STPG2: variants seen among roughly 807,000 people sequenced by gnomAD.
STPG2 encodes sperm tail PG-rich repeat containing 2, also known as sperm-tail PG-rich repeat-containing protein 2.
A neutral mutation model predicts 54.2 loss-of-function variants in STPG2; 56 were observed. The observed-to-expected ratio is 1.03, with a 90% CI of 0.83 to 1.29. The LOEUF (loss-of-function observed/expected upper bound fraction) is 1.29, where lower values mean the gene tolerates loss of function less well. Ranked by LOEUF, STPG2 falls within the 50% of genes most tolerant of loss-of-function variation. The pLI is 0.00. For missense variants in STPG2, 596 were observed against 544.9 expected, an observed-to-expected ratio of 1.09 and a Z score of -0.93; for synonymous variants, 200 against 181.8, an observed-to-expected ratio of 1.10 and a Z score of -0.81.
chr4:97,491,302 A>C (rs1426808645), intron 4 of STPG2, among the ~76,000 whole-genome samples: 2 of 151,540 alleles, frequency 1.3e-5, no homozygotes, highest in Non-Finnish European at 3.0e-5. Context: ...AATCCAAAAG[A>C]TGTTAAATAA....
At chr4:98,087,970 C>T (rs1738574158) in intron 5 of STPG2, among the ~76,000 whole-genome samples, 1 of 152,096 alleles carries the variant, frequency 6.6e-6, no homozygotes, top group Admixed American at 6.5e-5. Flanking sequence ...TGGGAATAGA[C>T]CATAATAATA....
chr4:97,613,833 C>A (rs1733793417), intron 10 of STPG2, among the ~76,000 whole-genome samples: 2 of 151,786 alleles, frequency 1.3e-5, no homozygotes, highest in Admixed American at 6.6e-5. Context: ...TTTTCTGGCA[C>A]TATGTAAGAT....
chr4:97,757,414 C>T (rs552347035), intron 9 of STPG2, among the ~76,000 whole-genome samples: 2 of 152,260 alleles, frequency 1.3e-5, no homozygotes, highest in African/African-American at 4.8e-5. Context: ...TAGGTGAACG[C>T]TCTGTTCCAT....
At chr4:98,027,768 C>T (rs1736472018) in intron 5 of STPG2, among the ~76,000 whole-genome samples, 1 of 152,208 alleles carries the variant, frequency 6.6e-6, no homozygotes, top group Non-Finnish European at 1.5e-5. Flanking sequence ...ATGGCTCTGA[C>T]TTTGGAGTCA....
chr4:97,554,966 C>T (rs1252380265), downstream of STPG2, among the ~76,000 whole-genome samples: 1 of 152,046 alleles, frequency 6.6e-6, no homozygotes, highest in African/African-American at 2.4e-5. Flanking sequence ...GCTGCAGACA[C>T]AAAAGAAGCT....
At chr4:98,122,324 G>T (rs1167548243) in intron 3 of STPG2, among the ~76,000 whole-genome samples, 1 of 152,020 alleles carries the variant, frequency 6.6e-6, no homozygotes, top group Admixed American at 6.6e-5. Context: ...TAGTATATCG[G>T]CTGTGGGTTT....
intron 9 of STPG2, among the ~76,000 whole-genome samples, chr4:97,818,073 T>C (rs573048346): frequency 6.6e-5 from 10 of 152,086 alleles, no homozygotes; most frequent in East Asian, 1.9e-4. Context: ...ATACTGTTTG[T>C]ACCTCTTAGG....
At chr4:98,011,792 C>T (rs1300153247) in intron 5 of STPG2, among the ~76,000 whole-genome samples, 1 of 152,152 alleles carries the variant, frequency 6.6e-6, no homozygotes, top group Non-Finnish European at 1.5e-5. Flanking sequence ...CCTTTGCCCA[C>T]TTTTTGATGG....
chr4:97,861,432 G>T (rs1729533850), intron 8 of STPG2, among the ~76,000 whole-genome samples: 1 of 152,082 alleles, frequency 6.6e-6, no homozygotes, highest in African/African-American at 2.4e-5. Context: ...AGAACAGCTT[G>T]GAGGTTCCTA....
At chr4:98,127,908 T>C (rs1229942883) in intron 3 of STPG2, among the ~76,000 whole-genome samples, 1 of 152,248 alleles carries the variant, frequency 6.6e-6, no homozygotes, top group African/African-American at 2.4e-5. Flanking sequence ...AAAATGTTTT[T>C]TCTTTTCAAA....
chr4:97,451,604 G>A (rs937220517), intron 4 of STPG2, among the ~76,000 whole-genome samples: 4 of 152,142 alleles, frequency 2.6e-5, no homozygotes, highest in Non-Finnish European at 5.9e-5. Flanking sequence ...ATAGTGAAAT[G>A]TGCCAGAAAA....
intron 4 of STPG2, among the ~76,000 whole-genome samples, chr4:97,452,821 C>G (rs1025677586): frequency 6.6e-6 from 1 of 152,172 alleles, no homozygotes; most frequent in Non-Finnish European, 1.5e-5. Flanking sequence ...CCAGGGTCTT[C>G]TCTCTGCTAG....
chr4:97,822,023 A>G (rs1165585334), intron 9 of STPG2, among the ~76,000 whole-genome samples: 4 of 152,184 alleles, frequency 2.6e-5, no homozygotes, highest in Non-Finnish European at 2.9e-5. Flanking sequence ...TCATCTCCTA[A>G]TAATGCTTTT....
At chr4:98,118,497 A>G (rs549110384) in intron 3 of STPG2, among the ~76,000 whole-genome samples, 1 of 152,308 alleles carries the variant, frequency 6.6e-6, no homozygotes, top group African/African-American at 2.4e-5. Context: ...AAAGTCTAGA[A>G]TAAACCTGTA....
At chr4:97,951,202 T>C (rs796708093) in intron 7 of STPG2, among the ~76,000 whole-genome samples, 2 of 152,150 alleles carry the variant, frequency 1.3e-5, no homozygotes, top group Non-Finnish European at 2.9e-5. Context: ...AATCCCCAAT[T>C]TCCAAGTTTT....
rs369982424 is a variant in STPG2 at position 98,084,855 on chromosome 4, T to C, written c.612+21098A>G. 1.8e-4 allele frequency among the ~76,000 whole-genome samples: 28 copies of C among 152,276 alleles called. No homozygotes were observed. The East Asian group carries it at 5.2e-3, about 28-fold the overall frequency. On this transcript the variant is annotated intron_variant, in intron 5 of 10. Transcript: ENST00000295268. ...AATTCTTTATTATTCTAGATACAATTATTTTGTCAGATAGATATGTTGCAA... is the reference window on the plus strand; with the variant it reads ...AATTCTTTATTATTCTAGATACAATCATTTTGTCAGATAGATATGTTGCAA...
At chr4:97,855,824 T>C (rs1729317907) in intron 8 of STPG2, among the ~76,000 whole-genome samples, 1 of 152,206 alleles carries the variant, frequency 6.6e-6, no homozygotes, top group Non-Finnish European at 1.5e-5. Flanking sequence ...CTTTAATCCA[T>C]CTTCCATTAA....
intron 8 of STPG2, among the ~76,000 whole-genome samples, chr4:97,937,309 C>T (rs2149224857): frequency 6.6e-6 from 1 of 152,156 alleles, no homozygotes; most frequent in African/African-American, 2.4e-5. Context: ...AGCTTCTTTG[C>T]ATTGGGTTAG....
At chr4:97,606,362 G>C (rs1364164668) in intron 10 of STPG2, among the ~76,000 whole-genome samples, 2 of 151,844 alleles carry the variant, frequency 1.3e-5, no homozygotes, top group African/African-American at 4.8e-5. Flanking sequence ...TAAGAGGCCT[G>C]CTGTCCTGTG....
Sources: gnomAD v4.1 joint callset for allele counts (sites outside exome capture counted in the v4.1 genomes callset) on GRCh38, gnomAD v4.1.1 for gene constraint, MANE v1.5 for transcripts, NCBI Gene and HGNC (gene_info 2026-07-23, HGNC 2026-07-21) for gene names.